The following SLC25A21 variants were observed in gnomAD, a reference collection of about 807,000 sequenced individuals.
SLC25A21 encodes the protein mitochondrial 2-oxodicarboxylate carrier.
SLC25A21 carries 47 observed loss-of-function variants against 43.8 expected under a neutral mutation model. That is an observed-to-expected ratio of 1.07 (90% CI 0.85 to 1.37). The LOEUF (loss-of-function observed/expected upper bound fraction) is 1.37, where lower values mean the gene tolerates loss of function less well. Among genes scored for constraint, SLC25A21 ranks in the 40% most tolerant of loss-of-function variants. The pLI is 0.00. For missense variants in SLC25A21, 352 were observed against 350.2 expected (o/e 1.00, Z -0.04); for synonymous variants, 131 against 121.3 (o/e 1.08, Z -0.52).
chr14:37,014,323 T>C (rs1320202505), intron 1 of SLC25A21, among the ~76,000 whole-genome samples: 1 of 152,208 alleles, frequency 6.6e-6, no homozygotes, highest in Non-Finnish European at 1.5e-5. Context: ...GCAACTGATA[T>C]GACAACTAAG....
chr14:36,764,143 G>GGAAAGAAAGAAAGAAA lies in SLC25A21; in HGVS notation c.204-29586_204-29571dup, dbSNP rs1233360789. On this transcript the variant is annotated intron_variant, in intron 3 of 9. Transcript: ENST00000331299. ...AGGAAAGAAGGAAAGAAGGAAAGAA[G>GGAAAGAAAGAAAGAAA]GAAAGAAAGAAAGAAAGAAAGAAAG... 6.0e-3 allele frequency among the ~76,000 whole-genome samples: 204 copies of GGAAAGAAAGAAAGAAA among 33,834 alleles called. 6 individuals carry two copies. The highest frequency in any genetic ancestry group is 0.02 in the African/African-American group (180 of 9,214). 22.2% of individuals were successfully genotyped at this position (33,834 alleles called of 152,430 possible). A position where few individuals can be genotyped will look rare whatever the true frequency, so the allele number is the denominator to read the frequency against.
chr14:36,914,304 A>G (rs193203281), intron 1 of SLC25A21, among the ~76,000 whole-genome samples: 1 of 152,190 alleles, frequency 6.6e-6, no homozygotes. Context: ...GAGTTTGTGA[A>G]ACATTTTCCA....
chr14:36,775,440 A>C (rs1386006126), intron 3 of SLC25A21, among the ~76,000 whole-genome samples: 1 of 152,232 alleles, frequency 6.6e-6, no homozygotes, highest in African/African-American at 2.4e-5. Flanking sequence ...CAAATAGTTA[A>C]GGGCTTCCCA....
At chr14:36,927,205 T>C (rs1056947030) in intron 1 of SLC25A21, among the ~76,000 whole-genome samples, 1 of 152,194 alleles carries the variant, frequency 6.6e-6, no homozygotes, top group African/African-American at 2.4e-5. Context: ...CAAGCTCTTG[T>C]AAAATATGTC....
Position 37,169,632 on chromosome 14 carries a change from C to T in SLC25A21, c.70+2649G>A, listed in dbSNP as rs114776798. 3.2e-3 allele frequency among the ~76,000 whole-genome samples: 470 copies of T among 146,894 alleles called. 1 individual carries two copies. Among genetic ancestry groups the T allele is most frequent in the African/African-American group, 0.011 (437 of 40,014 alleles). ...AGAAGTGTTGTATTCATGGACAATA[C>T]CAGTGATTAGAACTCCAGTGCCAGA... On this transcript the variant is annotated intron_variant, in intron 1 of 9. Coordinates refer to ENST00000331299, the MANE Select transcript of SLC25A21 (RefSeq NM_030631.4).
chr14:37,092,021 G>A (rs1962596643), intron 1 of SLC25A21, among the ~76,000 whole-genome samples: 1 of 152,154 alleles, frequency 6.6e-6, no homozygotes, highest in South Asian at 2.1e-4. Flanking sequence ...CAGTTACTAG[G>A]GAGGCTGAGG....
intron 2 of SLC25A21, 35 bp downstream of exon 2, chr14:36,874,921 C>T: frequency 6.3e-7 from 1 of 1,590,394 alleles, no homozygotes; most frequent in African/African-American, 1.3e-5. Flanking sequence ...GGATATTAGC[C>T]AAAGTCAATA....
At chr14:37,026,406 C>T (rs753952897) in intron 1 of SLC25A21, among the ~76,000 whole-genome samples, 1 of 152,082 alleles carries the variant, frequency 6.6e-6, no homozygotes, top group Non-Finnish European at 1.5e-5. Flanking sequence ...GCAACAAAAT[C>T]TCCAACTTAG....
chr14:36,750,629 T>C (rs1178102301), intron 3 of SLC25A21, among the ~76,000 whole-genome samples: 1 of 152,206 alleles, frequency 6.6e-6, no homozygotes, highest in Non-Finnish European at 1.5e-5. Context: ...TTTCCAGAGA[T>C]TCTGATTTGG....
intron 1 of SLC25A21, among the ~76,000 whole-genome samples, chr14:37,127,972 A>G (rs186238031): frequency 3.0e-4 from 46 of 152,358 alleles, no homozygotes; most frequent in Non-Finnish European, 1.2e-4. Flanking sequence ...TGATTCTCAG[A>G]TAAGAAACCT....
At chr14:37,047,819 G>A (rs1961620458) in intron 1 of SLC25A21, among the ~76,000 whole-genome samples, 1 of 152,128 alleles carries the variant, frequency 6.6e-6, no homozygotes, top group Non-Finnish European at 1.5e-5. Context: ...GATTTCCAAT[G>A]TATCACCCAC....
In SLC25A21 at chr14:36,948,001, T is replaced by C. The variant is rs150960026; in HGVS notation, c.71-72997A>G. On this transcript the variant is annotated intron_variant, in intron 1 of 9. Transcript: ENST00000331299. ...TTTTTCCTTGAAGAAGGGACCATCA[T>C]TATTCCAAAGTATGAATATTTTATA... 7.1e-3 allele frequency among the ~76,000 whole-genome samples: 1,087 copies of C among 152,310 alleles called. 17 individuals are homozygous for C. The highest frequency in any genetic ancestry group is 0.024 in the African/African-American group (999 of 41,576).
intron 2 of SLC25A21, among the ~76,000 whole-genome samples, chr14:36,820,618 A>G (rs2138459195): frequency 6.6e-6 from 1 of 152,336 alleles, no homozygotes; most frequent in South Asian, 2.1e-4. Context: ...TTCCTCAGCA[A>G]TAAAATGGGA....
chr14:36,736,690 A>G (rs767453913), intron 3 of SLC25A21, among the ~76,000 whole-genome samples: 13 of 152,234 alleles, frequency 8.5e-5, no homozygotes, highest in Non-Finnish European at 1.9e-4. Context: ...CCAGATCAAC[A>G]GAGGAACTTG....
intron 2 of SLC25A21, 98 bp downstream of exon 2, chr14:36,874,858 G>A: frequency 1.1e-6 from 1 of 884,372 alleles, no homozygotes; most frequent in Non-Finnish European, 1.7e-6. Flanking sequence ...ACAGAGAGAA[G>A]CTACCGGCCT....
At chr14:36,707,114 T>C (rs1273318944) in intron 7 of SLC25A21, among the ~76,000 whole-genome samples, 1 of 152,206 alleles carries the variant, frequency 6.6e-6, no homozygotes, top group African/African-American at 2.4e-5. Flanking sequence ...GCTCTCTCTC[T>C]CCTAGAGCCT....
At chr14:36,731,056 T>C (rs1594531946) in intron 4 of SLC25A21, among the ~76,000 whole-genome samples, 1 of 150,844 alleles carries the variant, frequency 6.6e-6, no homozygotes, top group African/African-American at 2.4e-5. Flanking sequence ...CACTGCAAGC[T>C]CCGCCTCCCG....
intron 4 of SLC25A21, among the ~76,000 whole-genome samples, chr14:36,733,523 T>G (rs1279786179): frequency 6.6e-6 from 1 of 152,230 alleles, no homozygotes; most frequent in Non-Finnish European, 1.5e-5. Flanking sequence ...AAAGGTTGGA[T>G]GTTCATGTAT....
intron 1 of SLC25A21, among the ~76,000 whole-genome samples, chr14:36,896,409 C>G (rs1891240405): frequency 6.6e-6 from 1 of 152,102 alleles, no homozygotes; most frequent in South Asian, 2.1e-4. Context: ...CTTCCTCCAT[C>G]CCTTTATTTT....
Sources: allele counts gnomAD v4.1 joint callset (sites outside exome capture counted in the v4.1 genomes callset), GRCh38; gene constraint gnomAD v4.1.1; transcripts MANE v1.5; gene names NCBI Gene and HGNC (gene_info 2026-07-23, HGNC 2026-07-21).